The following RNLS variants were observed in gnomAD, a reference collection of about 807,000 sequenced individuals.
The protein encoded by RNLS is renalase, FAD dependent amine oxidase, also known as renalase.
A neutral mutation model predicts 39.8 loss-of-function variants in RNLS; 39 were observed. The observed-to-expected ratio is 0.98, with a 90% CI of 0.76 to 1.28. The LOEUF (loss-of-function observed/expected upper bound fraction) is 1.28, where lower values mean the gene tolerates loss of function less well. Ranked by LOEUF, RNLS falls within the 50% of genes most tolerant of loss-of-function variation. RNLS has a pLI of 0.00. For synonymous variants in RNLS, 147 were observed against 150.7 expected, an observed-to-expected ratio of 0.98 and a Z score of 0.18; for missense variants, 410 against 413.3, an observed-to-expected ratio of 0.99 and a Z score of 0.07.
intron 6 of RNLS, among the ~76,000 whole-genome samples, chr10:88,295,648 T>G (rs1844036862): frequency 6.6e-6 from 1 of 152,198 alleles, no homozygotes. Flanking sequence ...GCAATGTGGT[T>G]TGGTCAATTC....
chr10:88,507,660 G>GT (rs1447830868), intron 4 of RNLS, among the ~76,000 whole-genome samples: 1 of 152,050 alleles, frequency 6.6e-6, no homozygotes, highest in Non-Finnish European at 1.5e-5. Context: ...CCACTATCAG[G>GT]TTTTTTAAAA....
the RNLS span, chr10:88,259,247 T>C: frequency 6.6e-6 from 1 of 152,188 alleles, no homozygotes; most frequent in African/African-American, 2.4e-5. Context: ...TTCCAAAGAT[T>C]CTCACTCCTA....
At chr10:88,480,225 A>T (rs1265494346) in intron 4 of RNLS, among the ~76,000 whole-genome samples, 1 of 152,226 alleles carries the variant, frequency 6.6e-6, no homozygotes, top group Non-Finnish European at 1.5e-5. Flanking sequence ...ACGTTCCTTT[A>T]CCTAGGTAAT....
At chr10:88,214,425 A>C in the RNLS span, among the ~76,000 whole-genome samples, 1 of 150,396 alleles carries the variant, frequency 6.6e-6, no homozygotes, top group African/African-American at 2.5e-5. Context: ...GACCCTGTAA[A>C]TTCATTTAAA....
At chr10:88,196,425 A>G in the RNLS span, among the ~76,000 whole-genome samples, 1 of 152,132 alleles carries the variant, frequency 6.6e-6, no homozygotes, top group African/African-American at 2.4e-5. Context: ...GGAATTATTG[A>G]CCTCATGCTT....
At chr10:88,325,690 C>G (rs1222952924) in intron 5 of RNLS, among the ~76,000 whole-genome samples, 10 of 152,200 alleles carry the variant, frequency 6.6e-5, no homozygotes, top group Non-Finnish European at 1.5e-4. Context: ...TGCTGCTTAT[C>G]ATAACACGCA....
At chr10:88,351,798 A>G (rs1589621866) in intron 5 of RNLS, among the ~76,000 whole-genome samples, 1 of 152,166 alleles carries the variant, frequency 6.6e-6, no homozygotes, top group East Asian at 1.9e-4. Flanking sequence ...CTTGGGCAGT[A>G]TGGCCATTTT....
exon 7 of RNLS, chr10:88,274,834 C>G: frequency 1.5e-6 from 1 of 680,752 alleles, no homozygotes; most frequent in Non-Finnish European, 2.6e-6. Context: ...TCCAATATCT[C>G]CACATCCTTG....
chr10:88,531,175 A>G (rs2134240825), intron 4 of RNLS, among the ~76,000 whole-genome samples: 1 of 152,186 alleles, frequency 6.6e-6, no homozygotes, highest in African/African-American at 2.4e-5. Context: ...ATCTGATTTT[A>G]GTTTTCAGGA....
chr10:88,476,228 T>C (rs1843817117), intron 4 of RNLS, among the ~76,000 whole-genome samples: 1 of 152,226 alleles, frequency 6.6e-6, no homozygotes, highest in African/African-American at 2.4e-5. Flanking sequence ...ATTTTGTTTT[T>C]GTTTTGGTGG....
In RNLS at chr10:88,397,650, A is replaced by G. The variant is rs59816334; in HGVS notation, c.527-34925T>C. Among the ~76,000 whole-genome samples, 345 of 152,172 alleles carry G rather than the reference A, an allele frequency of 2.3e-3. 2 individuals carry two copies. The highest frequency in any genetic ancestry group is 7.8e-3 in the African/African-American group (326 of 41,564). ...TACAGATAAACAAAATAGAGATAGA[A>G]AACAGAGAGATCAATGATTCATAGA... is the stretch of plus-strand genomic sequence containing the variant. On this transcript the variant is annotated intron_variant, in intron 4 of 6. Transcript: ENST00000331772.
intron 4 of RNLS, among the ~76,000 whole-genome samples, chr10:88,508,687 C>T (rs1845927776): frequency 6.6e-6 from 1 of 152,026 alleles, no homozygotes; most frequent in African/African-American, 2.4e-5. Flanking sequence ...AGACTACAGC[C>T]TTGTCTTTTG....
At chr10:88,415,987 G>A (rs1853999512) in intron 4 of RNLS, among the ~76,000 whole-genome samples, 1 of 152,046 alleles carries the variant, frequency 6.6e-6, no homozygotes, top group South Asian at 2.1e-4. Flanking sequence ...TCCACTTTCA[G>A]TGTTCTGATG....
At chr10:88,393,614 T>C (rs957547462) in intron 4 of RNLS, among the ~76,000 whole-genome samples, 19 of 152,192 alleles carry the variant, frequency 1.2e-4, no homozygotes, top group African/African-American at 4.6e-4. Context: ...ATGGCCATAC[T>C]GCCCAAGGTA....
At chr10:88,521,468 C>A (rs572252858) in intron 4 of RNLS, among the ~76,000 whole-genome samples, 2 of 152,044 alleles carry the variant, frequency 1.3e-5, no homozygotes, top group Non-Finnish European at 2.9e-5. Flanking sequence ...TTCAGTCTGT[C>A]CCTAATGGGC....
At chr10:88,577,389 C>T (rs1432957114) in intron 3 of RNLS, among the ~76,000 whole-genome samples, 2 of 152,142 alleles carry the variant, frequency 1.3e-5, no homozygotes, top group African/African-American at 4.8e-5. Context: ...AAAAAAACAA[C>T]ATGATTAATT....
At chr10:88,544,987 A>T (rs1388592770) in intron 4 of RNLS, among the ~76,000 whole-genome samples, 2 of 152,136 alleles carry the variant, frequency 1.3e-5, no homozygotes, top group African/African-American at 2.4e-5. Context: ...GGATAATCAC[A>T]TTTGGTAGCT....
chr10:88,394,355 C>A (rs1852413858), intron 4 of RNLS, among the ~76,000 whole-genome samples: 1 of 152,024 alleles, frequency 6.6e-6, no homozygotes, highest in Non-Finnish European at 1.5e-5. Context: ...AAGAAAAAAA[C>A]AAACAACCCC....
intron 5 of RNLS, among the ~76,000 whole-genome samples, chr10:88,357,276 G>T (rs966289815): frequency 2.0e-5 from 3 of 152,204 alleles, no homozygotes; most frequent in African/African-American, 4.8e-5. Context: ...AAGTTACACA[G>T]CTAGTAAATG....
Sources: allele counts gnomAD v4.1 joint callset (sites outside exome capture counted in the v4.1 genomes callset), GRCh38; gene constraint gnomAD v4.1.1; transcripts MANE v1.5; gene names NCBI Gene and HGNC (gene_info 2026-07-23, HGNC 2026-07-21).